The following MILR1 variants were observed in gnomAD, a reference collection of about 807,000 sequenced individuals.
The protein encoded by MILR1 is allergin-1.
MILR1 carries 31 observed loss-of-function variants against 18.5 expected under a neutral mutation model. The observed-to-expected ratio is 1.68, with a 90% CI of 1.26 to 2.26. The LOEUF is 2.26. Ranked by LOEUF, MILR1 falls within the 30% of genes most tolerant of loss-of-function variation. The pLI is 0.00. For synonymous variants in MILR1, 85 were observed against 56.2 expected, an observed-to-expected ratio of 1.51 and a Z score of -2.30; for missense variants, 257 against 157.4, an observed-to-expected ratio of 1.63 and a Z score of -3.38.
At chr17:64,457,185 C>A (rs921255416) in intron 3 of MILR1, among the ~76,000 whole-genome samples, 25 of 152,298 alleles carry the variant, frequency 1.6e-4, no homozygotes, top group Admixed American at 1.3e-4. Context: ...TCTCAGCACT[C>A]AGCTGAGAAC....
At chr17:64,472,210 G>T (rs1406815661), downstream of MILR1, among the ~76,000 whole-genome samples, 1 of 151,982 alleles carries the variant, frequency 6.6e-6, no homozygotes, top group African/African-American at 2.4e-5. Flanking sequence ...GCCGGGCGCA[G>T]TGGCTCACGT....
intron 3 of MILR1, among the ~76,000 whole-genome samples, chr17:64,453,591 A>G (rs2037224452): frequency 6.9e-6 from 1 of 144,828 alleles, no homozygotes; most frequent in African/African-American, 2.6e-5. Flanking sequence ...AGGGTCTTCA[A>G]AGCCTCACGC....
intron 5 of MILR1, among the ~76,000 whole-genome samples, chr17:64,462,704 A>G (rs2037460109): frequency 6.6e-6 from 1 of 150,816 alleles, no homozygotes; most frequent in East Asian, 1.9e-4. Flanking sequence ...GCAGTGGTGC[A>G]ATCTCGGCTC....
the MILR1 span, chr17:64,496,678 G>A: frequency 3.7e-6 from 6 of 1,613,990 alleles, no homozygotes; most frequent in Non-Finnish European, 5.1e-6. Flanking sequence ...GTCCGAAGCC[G>A]GGGTGGCACC....
the MILR1 span, chr17:64,478,037 A>C: frequency 6.3e-7 from 1 of 1,585,590 alleles, no homozygotes. Context: ...TGTAAATAAT[A>C]AATTCCTCCA....
intron 5 of MILR1, among the ~76,000 whole-genome samples, chr17:64,464,055 C>T (rs1358068856): frequency 6.6e-6 from 1 of 151,392 alleles, no homozygotes; most frequent in Non-Finnish European, 1.5e-5. Flanking sequence ...AACTTCTGAC[C>T]TCGTGATCCG....
At chr17:64,463,853 T>A (rs1598100498) in intron 5 of MILR1, among the ~76,000 whole-genome samples, 1 of 142,410 alleles carries the variant, frequency 7.0e-6, no homozygotes, top group African/African-American at 2.6e-5. Flanking sequence ...AGGCAGAGTC[T>A]CGCTCTGTTG....
chr17:64,496,525 AACTAACCT>A, the MILR1 span: 8 of 1,613,524 alleles, frequency 5.0e-6, no homozygotes, highest in Non-Finnish European at 6.8e-6. Flanking sequence ...TTTCTGCAGA[AACTAACCT>A]GAAGGCACTG....
At chr17:64,458,369 C>T (rs1236710779) in intron 4 of MILR1, among the ~76,000 whole-genome samples, 4 of 151,888 alleles carry the variant, frequency 2.6e-5, no homozygotes, top group East Asian at 3.9e-4. Context: ...CCCGCCACCA[C>T]GCTTGGCTAA....
At chr17:64,490,511 A>C in the MILR1 span, 1 of 399,890 alleles carries the variant, frequency 2.5e-6, no homozygotes, top group Non-Finnish European at 4.6e-6. Context: ...CATTTGAAGG[A>C]GTGTAAAGGC....
chr17:64,459,547 G>T (rs994034874), intron 4 of MILR1, among the ~76,000 whole-genome samples: 4 of 152,204 alleles, frequency 2.6e-5, no homozygotes, highest in Admixed American at 6.5e-5. Context: ...CAGAGCCCAC[G>T]CCCTGGTATT....
the MILR1 span, among the ~76,000 whole-genome samples, chr17:64,477,390 T>A: frequency 2.0e-5 from 3 of 152,196 alleles, no homozygotes; most frequent in African/African-American, 7.2e-5. Flanking sequence ...GGAAGAGTGT[T>A]GGCTGACTAG....
rs2037331676 is a variant in MILR1, at chr17:64,457,666, G to A, written c.634G>A (p.Val212Ile). Reference sequence around the variant, plus strand: ...TAACTATGCAACATACAGTCACCCTGTCACCATGCCCTCAACAGGTAAGAG... The same window carrying A: ...TAACTATGCAACATACAGTCACCCTATCACCATGCCCTCAACAGGTAAGAG... ...LPNYATYSHP[V>I]TMPSTGGDSC... The change falls in exon 4 of 10, where the codon GTC becomes ATC. Residue 212 changes from valine to isoleucine, a missense_variant. Coordinates refer to ENST00000619286, the MANE Select transcript of MILR1 (RefSeq NM_001085423.2). 5 of 474,816 alleles carry A rather than the reference G, an allele frequency of 1.1e-5. No individual in the cohort carries two copies. The East Asian group carries it at 1.6e-4, about 15-fold the overall frequency. The allele number at this position is 474,816 out of a possible 1,614,324, so 29.4% of individuals were successfully genotyped here. A position where few individuals can be genotyped will look rare whatever the true frequency, so the allele number is the denominator to read the frequency against.
chr17:64,459,372 G>A (rs1481854404), intron 4 of MILR1, among the ~76,000 whole-genome samples: 1 of 152,076 alleles, frequency 6.6e-6, no homozygotes, highest in Non-Finnish European at 1.5e-5. Context: ...GGTCGAGGCT[G>A]CAGTGAGCTG....
the MILR1 span, among the ~76,000 whole-genome samples, chr17:64,481,087 C>T: frequency 2.0e-5 from 3 of 152,182 alleles, no homozygotes; most frequent in African/African-American, 7.2e-5. Context: ...ACTGCTGACC[C>T]AGGGTGTTTA....
In MILR1 at chr17:64,467,614, C is replaced by A; in HGVS notation, c.1029C>A (p.Phe343Leu). 6.4e-7 allele frequency: 1 copy of A among 1,565,374 alleles called. No individual in the cohort carries two copies. The highest frequency in any genetic ancestry group is 1.3e-5 in the African/African-American group (1 of 74,210). ...GATATGTCTATTCTGAACTCAACTT[C>A]TGAAATTTACAGAAACAAACTACAT... ...KSGYVYSELN[F>L] Residue 343 changes from phenylalanine (F) to leucine (L), a missense_variant, in exon 9 of 10, where the codon TTC becomes TTA. Physicochemically the swap from Phe to Leu is conservative, Grantham distance 22 (BLOSUM62 0). Coordinates refer to ENST00000619286, the MANE Select transcript of MILR1 (RefSeq NM_001085423.2).
chr17:64,470,550 C>T (rs1338688705), downstream of MILR1, among the ~76,000 whole-genome samples: 1 of 152,126 alleles, frequency 6.6e-6, no homozygotes, highest in Non-Finnish European at 1.5e-5. Context: ...GGCTGTTCTC[C>T]TTCTCAAGAG....
the MILR1 span, among the ~76,000 whole-genome samples, chr17:64,482,096 CTTTTTT>C: frequency 8.6e-6 from 1 of 116,048 alleles, no homozygotes; most frequent in African/African-American, 3.3e-5. Context: ...TTAATTAAAG[CTTTTTT>C]TTTTTTTTTT....
intron 4 of MILR1, among the ~76,000 whole-genome samples, chr17:64,458,115 C>T (rs1248839221): frequency 6.7e-6 from 1 of 149,936 alleles, no homozygotes; most frequent in African/African-American, 2.5e-5. Flanking sequence ...TCTTTCTTTT[C>T]CTTCCTTCCT....
Sources: allele counts gnomAD v4.1 joint callset (sites outside exome capture counted in the v4.1 genomes callset), GRCh38; gene constraint gnomAD v4.1.1; transcripts MANE v1.5; gene names NCBI Gene and HGNC (gene_info 2026-07-23, HGNC 2026-07-21).